Variants in MED15 observed in about 807,000 individuals in gnomAD.
MED15 encodes mediator complex subunit 15.
Under a neutral mutation model 118.7 loss-of-function variants are expected in MED15, and 41 were observed. That is an observed-to-expected ratio of 0.35 (90% CI 0.27 to 0.45). The LOEUF (loss-of-function observed/expected upper bound fraction) is 0.45, where lower values mean the gene tolerates loss of function less well. Among genes scored for constraint, MED15 ranks in the 20% least tolerant of loss-of-function variants. The probability of loss-of-function intolerance (pLI) is 1.00; values close to 1 mark genes in which losing one functional copy is unlikely to be tolerated. For synonymous variants in MED15, 436 were observed against 413.9 expected, an observed-to-expected ratio of 1.05 and a Z score of -0.65; for missense variants, 740 against 1,025.5, an observed-to-expected ratio of 0.72 and a Z score of 3.80.
At chr22:20,532,620 C>T (rs1357772961) in intron 1 of MED15, among the ~76,000 whole-genome samples, 1 of 152,212 alleles carries the variant, frequency 6.6e-6, no homozygotes, top group African/African-American at 2.4e-5. Flanking sequence ...GGTAACAGTC[C>T]TTGTGTTCAG....
At position 20,586,767 on chromosome 22, in the gene MED15, A is replaced by C; in HGVS notation, c.*63A>C. The C allele has an allele frequency of 6.3e-7, 1 of 1,592,158 alleles. No homozygotes were observed. The highest frequency in any genetic ancestry group is 8.5e-7 in the Non-Finnish European group (1 of 1,170,408). On this transcript the variant is annotated 3_prime_UTR_variant, in exon 18 of 18. Transcript: ENST00000263205. Reference sequence around the variant, plus strand: ...CAAGGACACACGCCTCCTGTCAGACACTTCTAGGTGTTGGCTTCCTTAGAG... The same window carrying C: ...CAAGGACACACGCCTCCTGTCAGACCCTTCTAGGTGTTGGCTTCCTTAGAG...
At chr22:20,523,111 T>C (rs1204910947) in intron 1 of MED15, 3 of 152,224 alleles carry the variant, frequency 2.0e-5, no homozygotes, top group African/African-American at 7.2e-5. Flanking sequence ...GTCTTGTGTG[T>C]GCTTATAGCT....
intron 1 of MED15, among the ~76,000 whole-genome samples, chr22:20,509,403 C>A (rs2053985769): frequency 6.6e-6 from 1 of 152,080 alleles, no homozygotes; most frequent in African/African-American, 2.4e-5. Flanking sequence ...CTTTTTCATC[C>A]TTATATTCTC....
intron 9 of MED15, among the ~76,000 whole-genome samples, chr22:20,579,747 G>A (rs190817965): frequency 2.0e-5 from 3 of 152,220 alleles, no homozygotes; most frequent in African/African-American, 4.8e-5. Context: ...GGGTGTTGAT[G>A]TTTAGCGTGC....
Position 20,566,687 on chromosome 22 carries a change from A to C in MED15, c.911A>C (p.Gln304Pro). The C allele has an allele frequency of 6.2e-7, 1 of 1,614,062 alleles. No homozygotes were observed. The highest frequency in any genetic ancestry group is 8.5e-7 in the Non-Finnish European group (1 of 1,180,002). Residue 304 changes from glutamine to proline, a missense_variant, in exon 7 of 18, where the codon CAG becomes CCG. Gln to Pro is a moderately conservative substitution (Grantham distance 76). Around this residue, in one of 7 missense-constraint regions of MED15, gnomAD observed 384 missense variants for 506.3 expected, o/e 0.76. Coordinates refer to ENST00000263205, the MANE Select transcript of MED15 (RefSeq NM_001003891.3). Reference sequence around the variant, plus strand: ...ACACAGCACCACCAGCCGCCACCACAGCCCCAGCAGCCTCCAGTTGCTCAG... The same window carrying C: ...ACACAGCACCACCAGCCGCCACCACCGCCCCAGCAGCCTCCAGTTGCTCAG... ...HHTQHHQPPP[Q>P]PQQPPVAQNQ...
chr22:20,558,723 A>T (rs1163611001), intron 5 of MED15, among the ~76,000 whole-genome samples: 8 of 152,126 alleles, frequency 5.3e-5, no homozygotes. Context: ...GGATTCCTGT[A>T]GTCAGCCAGG....
chr22:20,583,995 G>A (rs1470725712), intron 13 of MED15: 3 of 302,048 alleles, frequency 9.9e-6, no homozygotes, highest in Non-Finnish European at 1.9e-5. Flanking sequence ...CTGCTTGTCT[G>A]GATAGAATGC....
chr22:20,543,809 C>T (rs12165459), intron 2 of MED15, among the ~76,000 whole-genome samples: 80 of 151,406 alleles, frequency 5.3e-4, no homozygotes, highest in African/African-American at 1.8e-3. Context: ...CTGCCTGCCT[C>T]AGCCTCCCAA....
chr22:20,539,005 A>G lies in MED15; in HGVS notation c.156+1801A>G, dbSNP rs1038032057. ...CATGAGCCACCGCACCCAGCCACGT[A>G]CAATATATGTTTTTATTTTGCAGCT... On this transcript the variant is annotated intron_variant, in intron 2 of 17. Coordinates refer to ENST00000263205, the MANE Select transcript of MED15 (RefSeq NM_001003891.3). Among the ~76,000 whole-genome samples the G allele has an allele frequency of 5.3e-5, 8 of 151,964 alleles. No homozygotes were observed. In the East Asian group the frequency reaches 5.8e-4, roughly 11 times the overall value.
Position 20,515,463 on chromosome 22 carries a change from TAA to T in MED15, c.68+7728_68+7729del, listed in dbSNP as rs361781. Among the ~76,000 whole-genome samples, 614 of 149,792 alleles carry T rather than the reference TAA, an allele frequency of 4.1e-3. 3 individuals carry two copies. Among genetic ancestry groups the T allele is most frequent in the African/African-American group, 0.014 (564 of 40,900 alleles). On this transcript the variant is annotated intron_variant, in intron 1 of 17. Coordinates refer to ENST00000263205, the MANE Select transcript of MED15 (RefSeq NM_001003891.3). Reference sequence around the variant, plus strand: ...CTAACACTAATGATAGCTGACGAGCTAAAAAAAAAAAATTGCCAAAAAATCTC... The same window carrying T: ...CTAACACTAATGATAGCTGACGAGCTAAAAAAAAAATTGCCAAAAAATCTC...
chr22:20,569,567 G>A (rs553286714), intron 8 of MED15, among the ~76,000 whole-genome samples: 120 of 152,256 alleles, frequency 7.9e-4, no homozygotes, highest in African/African-American at 2.7e-3. Context: ...TTCATCTCAC[G>A]CTTGGGGGGT....
chr22:20,574,928 C>A (rs537074342), intron 8 of MED15, 185 bp from the exon 9 acceptor site: 3 of 740,090 alleles, frequency 4.1e-6, no homozygotes, highest in African/African-American at 3.5e-5. Context: ...AATGCCCAGA[C>A]AGACCTGGAG....
intron 9 of MED15, chr22:20,581,768 A>T (rs941996850): frequency 6.6e-6 from 1 of 152,246 alleles, no homozygotes; most frequent in African/African-American, 2.4e-5. Context: ...GTGTGGTTTC[A>T]TCCCTAGAGT....
chr22:20,585,636 C>T (rs567507730), intron 16 of MED15, 92 bp from the exon 17 acceptor site: 7 of 1,210,566 alleles, frequency 5.8e-6, no homozygotes, highest in Non-Finnish European at 8.4e-6. Context: ...ACCAGAACCT[C>T]CCTGGGTGTG....
Position 20,560,496 on chromosome 22 carries a change from C to T in MED15, c.452-3954C>T, listed in dbSNP as rs192179450. Among the ~76,000 whole-genome samples, 4 of 152,298 alleles carry T rather than the reference C, an allele frequency of 2.6e-5. No homozygotes were observed. The East Asian group carries it at 7.7e-4, about 29-fold the overall frequency. ...GCCAGGATGTTCTCGATCTCCAGAC[C>T]TTGTGATCTGCCCTCCTTGGCCTCC... On this transcript the variant is annotated intron_variant, in intron 5 of 17. Transcript: ENST00000263205.
At chr22:20,534,188 C>T (rs554605042) in intron 1 of MED15, among the ~76,000 whole-genome samples, 1 of 152,104 alleles carries the variant, frequency 6.6e-6, no homozygotes, top group African/African-American at 2.4e-5. Context: ...ACACAGCCAG[C>T]CTCCAGGCCG....
chr22:20,549,261 A>G (rs1221595728), intron 2 of MED15, among the ~76,000 whole-genome samples: 3 of 152,158 alleles, frequency 2.0e-5, no homozygotes, highest in South Asian at 4.1e-4. Flanking sequence ...TGTTACTGTC[A>G]TGATGTTCAT....
rs984227762 is a variant in MED15 at position 20,585,593 on chromosome 22, G to C, written c.2132-135G>C. 4.9e-6 allele frequency: 4 copies of C among 823,806 alleles called. No individual in the cohort carries two copies. The Admixed American group carries it at 8.8e-5, about 18-fold the overall frequency. The allele number at this position is 823,806 out of a possible 1,614,324, so 51.0% of individuals were successfully genotyped here. On this transcript the variant is annotated intron_variant, in intron 16 of 17. Coordinates refer to ENST00000263205, the MANE Select transcript of MED15 (RefSeq NM_001003891.3). Reference sequence around the variant, plus strand: ...TTCACGTTTGGAAATCTGAGAGTCAGAGAGACCTCCTCCAGGCTTTGCCAC... The same window carrying C: ...TTCACGTTTGGAAATCTGAGAGTCACAGAGACCTCCTCCAGGCTTTGCCAC...
intron 1 of MED15, among the ~76,000 whole-genome samples, chr22:20,530,142 C>T (rs530272425): frequency 8.5e-5 from 13 of 152,150 alleles, no homozygotes; most frequent in African/African-American, 2.9e-4. Flanking sequence ...TCTTGTGGTC[C>T]TCTGTGATTT....
Sources: gnomAD v4.1 joint callset for allele counts (sites outside exome capture counted in the v4.1 genomes callset) on GRCh38, gnomAD v4.1.1 for gene constraint, gnomAD v4.1.1 regional missense constraint, MANE v1.5 for transcripts, NCBI Gene and HGNC (gene_info 2026-07-23, HGNC 2026-07-21) for gene names.